SMIM14: variants seen among roughly 807,000 people sequenced by gnomAD.
SMIM14 encodes the protein chromosome 4 open reading frame 34.
A neutral mutation model predicts 12.6 loss-of-function variants in SMIM14; 5 were observed. That is an observed-to-expected ratio of 0.40 (90% confidence interval 0.21 to 0.83). SMIM14 has a LOEUF of 0.83. SMIM14 is among the 40% of genes least tolerant of loss of function. The pLI, the probability that SMIM14 is intolerant of heterozygous loss-of-function variation, is 0.37. For synonymous variants in SMIM14, 30 were observed against 40.1 expected (o/e 0.75, Z 0.95); for missense variants, 86 against 119.1 (o/e 0.72, Z 1.29).
At chr4:39,611,167 A>G (rs1715016618) in intron 1 of SMIM14, among the ~76,000 whole-genome samples, 1 of 152,214 alleles carries the variant, frequency 6.6e-6, no homozygotes, top group Non-Finnish European at 1.5e-5. Flanking sequence ...TAAAAAATGG[A>G]AGTGTAAATC....
intron 2 of SMIM14, among the ~76,000 whole-genome samples, chr4:39,595,303 A>G (rs11930368): frequency 0.11 from 16,677 of 147,538 alleles, 1,355 homozygotes; most frequent in African/African-American, 0.24. Flanking sequence ...CTATTGCAAG[A>G]ACAAAAAACC....
chr4:39,582,813 C>T (rs1269432421), intron 2 of SMIM14, among the ~76,000 whole-genome samples: 1 of 151,752 alleles, frequency 6.6e-6, no homozygotes, highest in East Asian at 1.9e-4. Flanking sequence ...TTTATTTTTG[C>T]AACAGAGTCT....
At chr4:39,565,361 CTG>C (rs1465544122) in intron 3 of SMIM14, among the ~76,000 whole-genome samples, 1 of 152,144 alleles carries the variant, frequency 6.6e-6, no homozygotes, top group Non-Finnish European at 1.5e-5. Flanking sequence ...GGGTCTCACT[CTG>C]TCACCCAGGT....
chr4:39,579,356 G>A lies in SMIM14; in HGVS notation c.76-6893C>T, dbSNP rs117756753. Reference sequence around the variant, plus strand: ...GCCCAGGATGTCGAGGATGCTGTGAGCTGTGTTTGTGCCACTGCACTCCAG... The same window carrying A: ...GCCCAGGATGTCGAGGATGCTGTGAACTGTGTTTGTGCCACTGCACTCCAG... On this transcript the variant is annotated intron_variant, in intron 2 of 4. Transcript: ENST00000295958. Among the ~76,000 whole-genome samples the A allele has an allele frequency of 1.0e-3, 154 of 148,694 alleles. 3 individuals carry two copies. In the East Asian group the frequency reaches 0.029, roughly 28 times the overall value.
chr4:39,601,850 A>C (rs1560300218), intron 2 of SMIM14, among the ~76,000 whole-genome samples: 1 of 151,412 alleles, frequency 6.6e-6, no homozygotes, highest in African/African-American at 2.4e-5. Context: ...GGGAGGCTAA[A>C]GTGGGAGGAT....
chr4:39,615,077 C>T (rs1205262917), intron 1 of SMIM14, among the ~76,000 whole-genome samples: 1 of 152,000 alleles, frequency 6.6e-6, no homozygotes, highest in South Asian at 2.1e-4. Flanking sequence ...GTTAAAATAG[C>T]CGATAGAGTC....
chr4:39,556,417 G>T lies in SMIM14; in HGVS notation c.267+11C>A. Reference sequence around the variant, plus strand: ...CTTACCCAAAAAGCATTTAAAATCTGCAACACTTACATTATGAGGACTGGT... The same window carrying T: ...CTTACCCAAAAAGCATTTAAAATCTTCAACACTTACATTATGAGGACTGGT... On this transcript the variant is annotated intron_variant, in intron 4 of 4. Coordinates refer to ENST00000295958, the MANE Select transcript of SMIM14 (RefSeq NM_174921.3). 6.2e-7 allele frequency: 1 copy of T among 1,605,694 alleles called. No homozygotes were observed. The highest frequency in any genetic ancestry group is 8.5e-7 in the Non-Finnish European group (1 of 1,177,604).
chr4:39,570,575 C>CA (rs1712831073), intron 3 of SMIM14, among the ~76,000 whole-genome samples: 1 of 152,078 alleles, frequency 6.6e-6, no homozygotes, highest in African/African-American at 2.4e-5. Flanking sequence ...TTTATAATAG[C>CA]AAAAAATATA....
chr4:39,633,490 T>C (rs1715983721), intron 1 of SMIM14, among the ~76,000 whole-genome samples: 1 of 151,600 alleles, frequency 6.6e-6, no homozygotes, highest in African/African-American at 2.4e-5. Flanking sequence ...TTAAAATATC[T>C]TTGGATGCAG....
intron 2 of SMIM14, among the ~76,000 whole-genome samples, chr4:39,573,381 A>G (rs958987578): frequency 6.6e-6 from 1 of 152,032 alleles, no homozygotes; most frequent in Non-Finnish European, 1.5e-5. Context: ...TACAGGCATG[A>G]GCCACCATGC....
intron 2 of SMIM14, among the ~76,000 whole-genome samples, chr4:39,601,018 TA>T (rs1019668568): frequency 1.3e-5 from 2 of 152,046 alleles, no homozygotes; most frequent in African/African-American, 4.8e-5. Context: ...AAAAGTTTAT[TA>T]AAAAAAATTT....
rs1282994906 is a variant in SMIM14, at chr4:39,546,445, A to G, written c.*5681T>C. 1 of 152,214 alleles carries G rather than the reference A, an allele frequency of 6.6e-6. No homozygotes were observed. Among genetic ancestry groups the G allele is most frequent in the Non-Finnish European group, 1.5e-5 (1 of 68,036 alleles). The allele number at this position is 152,214 out of a possible 1,614,324, so 9.4% of individuals were successfully genotyped here. A position where few individuals can be genotyped will look rare whatever the true frequency, so the allele number is the denominator to read the frequency against. ...GGAAAAGATCACACAGGTAACTCCA[A>G]TTTTTAAAAATATGATCATGAAAGA... On this transcript the variant is annotated 3_prime_UTR_variant, in exon 5 of 5. Coordinates refer to ENST00000295958, the MANE Select transcript of SMIM14 (RefSeq NM_174921.3).
chr4:39,575,402 C>T (rs1560289016), intron 2 of SMIM14, among the ~76,000 whole-genome samples: 1 of 151,992 alleles, frequency 6.6e-6, no homozygotes, highest in Non-Finnish European at 1.5e-5. Context: ...GTCTATGTTG[C>T]CCAGGCTGGT....
intron 2 of SMIM14, chr4:39,594,783 G>A (rs1321940700): frequency 3.3e-5 from 5 of 151,542 alleles, no homozygotes; most frequent in African/African-American, 1.2e-4. Context: ...CATTTATGCA[G>A]CCAAAAGACA....
At chr4:39,590,424 A>G (rs1714006994) in intron 2 of SMIM14, among the ~76,000 whole-genome samples, 1 of 151,942 alleles carries the variant, frequency 6.6e-6, no homozygotes, top group Non-Finnish European at 1.5e-5. Flanking sequence ...AAAAAAAAAA[A>G]AGAATGATTC....
chr4:39,612,395 C>T (rs1715068630), intron 1 of SMIM14, among the ~76,000 whole-genome samples: 1 of 152,082 alleles, frequency 6.6e-6, no homozygotes, highest in Non-Finnish European at 1.5e-5. Context: ...GCTGGGATTA[C>T]ACACATGCGC....
chr4:39,577,724 G>C (rs1404245372), intron 2 of SMIM14, among the ~76,000 whole-genome samples: 1 of 152,070 alleles, frequency 6.6e-6, no homozygotes, highest in African/African-American at 2.4e-5. Context: ...ACTGTGCTTG[G>C]CCTCCTTTCA....
chr4:39,585,347 A>G (rs1264541872), intron 2 of SMIM14, among the ~76,000 whole-genome samples: 3 of 151,974 alleles, frequency 2.0e-5, no homozygotes, highest in African/African-American at 7.3e-5. Context: ...CCCAGGCTGG[A>G]GTGCAGTGGT....
intron 1 of SMIM14, among the ~76,000 whole-genome samples, chr4:39,635,829 C>T (rs925281207): frequency 6.6e-6 from 1 of 152,018 alleles, no homozygotes; most frequent in Admixed American, 6.6e-5. Flanking sequence ...TTGGTGCCAA[C>T]TGGTAAAGCA....
Sources: gnomAD v4.1 joint callset for allele counts (sites outside exome capture counted in the v4.1 genomes callset) on GRCh38, gnomAD v4.1.1 for gene constraint, MANE v1.5 for transcripts, NCBI Gene and HGNC (gene_info 2026-07-23, HGNC 2026-07-21) for gene names.